NUP155: variants seen among roughly 807,000 people sequenced by gnomAD.
The protein encoded by NUP155 is nuclear pore complex protein Nup155.
A neutral mutation model predicts 180.4 loss-of-function variants in NUP155; 71 were observed. The ratio of observed to expected loss-of-function variants is 0.39; its 90% CI spans 0.33 to 0.48. NUP155 has a LOEUF of 0.48. Ranked by LOEUF, NUP155 falls within the 20% of genes least tolerant of loss-of-function variation. NUP155 has a pLI of 0.91. For synonymous variants in NUP155, 582 were observed against 559.5 expected (o/e 1.04, Z -0.57); for missense variants, 1,553 against 1,648.9 (o/e 0.94, Z 1.01).
chr5:37,336,004 C>T (rs1372718617), intron 12 of NUP155, among the ~76,000 whole-genome samples: 1 of 151,946 alleles, frequency 6.6e-6, no homozygotes, highest in Non-Finnish European at 1.5e-5. Context: ...AATTTAACAC[C>T]TAACCAATAT....
chr5:37,310,613 C>T lies in NUP155; in HGVS notation c.2567G>A (p.Ser856Asn). Residue 856 changes from serine (S) to asparagine (N), a missense_variant, in exon 23 of 35, where the codon AGT (serine) becomes AAT (asparagine). Coordinates refer to ENST00000231498, the MANE Select transcript of NUP155 (RefSeq NM_153485.3). ...TGGGCAGATATCCTGTAAATGTAAA[C>T]TAATGCCATCAACAGCGGCATTATC... is the stretch of plus-strand genomic sequence containing the variant. ...IRDNAAVDGI[S>N]LHLQDICPLL... is the part of the protein sequence containing the mutation. 6.2e-7 allele frequency: 1 copy of T among 1,613,590 alleles called. No homozygotes were observed. The highest frequency in any genetic ancestry group is 8.5e-7 in the Non-Finnish European group (1 of 1,179,710).
intron 32 of NUP155, among the ~76,000 whole-genome samples, chr5:37,295,981 C>T: frequency 6.8e-6 from 1 of 146,824 alleles, no homozygotes; most frequent in African/African-American, 2.5e-5. Context: ...GCCCGGCCAG[C>T]CGCCCCATCC....
chr5:37,302,746 A>T, intron 29 of NUP155, 33 bp downstream of exon 29: 2 of 1,612,124 alleles, frequency 1.2e-6, no homozygotes, highest in South Asian at 1.1e-5. Flanking sequence ...CTAGTACTCA[A>T]TGTGGACACA....
intron 19 of NUP155, among the ~76,000 whole-genome samples, chr5:37,324,967 T>C (rs1235921403): frequency 2.6e-5 from 4 of 152,184 alleles, no homozygotes; most frequent in Admixed American, 1.3e-4. Context: ...CTGGCTAACA[T>C]AGTAAAACAC....
At chr5:37,309,799 A>G (rs577194368) in intron 23 of NUP155, among the ~76,000 whole-genome samples, 1 of 152,108 alleles carries the variant, frequency 6.6e-6, no homozygotes, top group Non-Finnish European at 1.5e-5. Context: ...TCATGTCTAT[A>G]ATCCCAACAC....
intron 22 of NUP155, among the ~76,000 whole-genome samples, chr5:37,313,259 C>A (rs143978474): frequency 6.6e-6 from 1 of 151,760 alleles, no homozygotes; most frequent in Admixed American, 6.6e-5. Context: ...GGTGAAACCC[C>A]GTCTCTACTA....
chr5:37,295,318 G>A (rs1010558810), intron 32 of NUP155, among the ~76,000 whole-genome samples: 11 of 152,316 alleles, frequency 7.2e-5, no homozygotes, highest in African/African-American at 2.6e-4. Context: ...AGAGGTGCCG[G>A]GATTGCAGAC....
At chr5:37,327,391 AC>A (rs1744671193) in intron 18 of NUP155, among the ~76,000 whole-genome samples, 1 of 152,376 alleles carries the variant, frequency 6.6e-6, no homozygotes, top group African/African-American at 2.4e-5. Context: ...GTGTTAAGGA[AC>A]AACTGTATTT....
Position 37,363,956 on chromosome 5 carries a change from C to T in NUP155, c.324G>A (p.Val108=). ...GCCAAGCTCTGCTGATAGGAGGGAA[C>T]ACACCCATCATGCAATTACACTGCA... ...GHMQCNCMMG[V]FPPISRAWLT... is the part of the protein sequence containing the mutation. The change falls in exon 3 of 35, where the codon GTG becomes GTA. Residue 108 remains valine, a synonymous_variant. Transcript: ENST00000231498. 4 of 1,613,656 alleles carry T rather than the reference C, an allele frequency of 2.5e-6. No homozygotes were observed. The highest frequency in any genetic ancestry group is 3.4e-6 in the Non-Finnish European group (4 of 1,179,602).
intron 32 of NUP155, among the ~76,000 whole-genome samples, chr5:37,298,628 G>C (rs1209495184): frequency 6.6e-6 from 1 of 152,114 alleles, no homozygotes; most frequent in Non-Finnish European, 1.5e-5. Flanking sequence ...TTGTCAGTCA[G>C]CACAATCCTA....
chr5:37,343,215 C>T (rs1745854330), intron 9 of NUP155, among the ~76,000 whole-genome samples: 1 of 152,106 alleles, frequency 6.6e-6, no homozygotes, highest in African/African-American at 2.4e-5. Context: ...GCTGGGACTA[C>T]AGGCACCCGC....
At chr5:37,325,016 T>G (rs1744495486) in intron 19 of NUP155, among the ~76,000 whole-genome samples, 1 of 152,134 alleles carries the variant, frequency 6.6e-6, no homozygotes, top group African/African-American at 2.4e-5. Context: ...CTGGGCATGG[T>G]GGCGCGCACC....
At position 37,299,877 on chromosome 5, in the gene NUP155, T is replaced by TA. The variant is rs11346142; in HGVS notation, c.3562-310dup. ...GTGAAACCCCGTCTCTACTAAAATTTAAAAAAAAAAAAAATTAGCTGGGCA... is the reference window on the plus strand; with the variant it reads ...GTGAAACCCCGTCTCTACTAAAATTTAAAAAAAAAAAAAAATTAGCTGGGCA... On this transcript the variant is annotated intron_variant, in intron 30 of 34. Coordinates refer to ENST00000231498, the MANE Select transcript of NUP155 (RefSeq NM_153485.3). Among the ~76,000 whole-genome samples the TA allele has an allele frequency of 2.5e-3, 364 of 145,890 alleles. 1 individual carries two copies. Among genetic ancestry groups the TA allele is most frequent in the Middle Eastern group, 0.017 (5 of 286 alleles).
intron 15 of NUP155, 73 bp from the exon 16 acceptor site, chr5:37,329,351 T>A: frequency 8.3e-7 from 1 of 1,207,638 alleles, no homozygotes; most frequent in Non-Finnish European, 1.2e-6. Context: ...AATTGTTCCT[T>A]TTCCTGTTTA....
At chr5:37,295,416 G>A (rs1742483374) in intron 32 of NUP155, among the ~76,000 whole-genome samples, 2 of 152,028 alleles carry the variant, frequency 1.3e-5, no homozygotes, top group South Asian at 4.1e-4. Flanking sequence ...CCTCCCAGCA[G>A]CCTGCCTTGG....
chr5:37,331,245 C>A (rs970708908), intron 14 of NUP155, among the ~76,000 whole-genome samples: 5 of 152,056 alleles, frequency 3.3e-5, no homozygotes, highest in Admixed American at 3.3e-4. Flanking sequence ...AGTTCACATA[C>A]AGTGACTTAG....
chr5:37,309,997 G>A (rs1444449880), intron 23 of NUP155, among the ~76,000 whole-genome samples: 2 of 151,874 alleles, frequency 1.3e-5, no homozygotes, highest in Non-Finnish European at 2.9e-5. Flanking sequence ...GCAGTGAGCT[G>A]AGATCGTACT....
rs766386204 is a variant in NUP155 at position 37,294,362 on chromosome 5, T to C, written c.3897A>G (p.Leu1299=). The change falls in exon 33 of 35, where the codon CTA becomes CTG. Residue 1299 remains leucine, a synonymous_variant. Coordinates refer to ENST00000231498, the MANE Select transcript of NUP155 (RefSeq NM_153485.3). The part of the protein sequence containing the change: ...MNEIGVPLPR[L]LEVYDQLFKS... Reference sequence around the variant, plus strand: ...TGAACAACTGATCATAAACTTCTAGTAGTCTAGGTAATGGTACTCCAATTT... The same window carrying C: ...TGAACAACTGATCATAAACTTCTAGCAGTCTAGGTAATGGTACTCCAATTT... The C allele has an allele frequency of 3.1e-6, 5 of 1,600,428 alleles. No individual in the cohort carries two copies. Among genetic ancestry groups the C allele is most frequent in the Non-Finnish European group, 3.4e-6 (4 of 1,167,990 alleles).
chr5:37,313,590 T>G (rs1255278398), intron 22 of NUP155, among the ~76,000 whole-genome samples: 1 of 151,690 alleles, frequency 6.6e-6, no homozygotes, highest in African/African-American at 2.4e-5. Flanking sequence ...CGCCTCAACC[T>G]CCCAGGCTCA....
Sources: allele counts gnomAD v4.1 joint callset (sites outside exome capture counted in the v4.1 genomes callset), GRCh38; gene constraint gnomAD v4.1.1; transcripts MANE v1.5; gene names NCBI Gene and HGNC (gene_info 2026-07-23, HGNC 2026-07-21).